AP1S3: variants seen among roughly 807,000 people sequenced by gnomAD.
AP1S3 encodes adaptor related protein complex 1 subunit sigma 3.
A neutral mutation model predicts 20.9 loss-of-function variants in AP1S3; 10 were observed. That is an observed-to-expected ratio of 0.48 (90% CI 0.29 to 0.81). The LOEUF is 0.81. Among genes scored for constraint, AP1S3 ranks in the 30% least tolerant of loss-of-function variants. AP1S3 has a pLI of 0.08. For synonymous variants in AP1S3, 41 were observed against 61.5 expected, an observed-to-expected ratio of 0.67 and a Z score of 1.56; for missense variants, 154 against 183.8, an observed-to-expected ratio of 0.84 and a Z score of 0.94.
chr2:223,780,308 TAGAGAGAGAGAGAGAGAG>T (rs527550327), intron 1 of AP1S3, among the ~76,000 whole-genome samples: 15 of 62,010 alleles, frequency 2.4e-4, no homozygotes, highest in South Asian at 6.9e-4. Context: ...TATATATATA[TAGAGAGAGAGAGAGAGAG>T]AGAGAGAGAG....
At chr2:223,807,287 G>T (rs1691603949) in intron 1 of AP1S3, among the ~76,000 whole-genome samples, 1 of 152,050 alleles carries the variant, frequency 6.6e-6, no homozygotes, top group Admixed American at 6.6e-5. Flanking sequence ...GAGACAGAGA[G>T]AAAAATACAA....
At chr2:223,834,536 G>A (rs1312420029) in intron 1 of AP1S3, among the ~76,000 whole-genome samples, 2 of 152,050 alleles carry the variant, frequency 1.3e-5, no homozygotes, top group Non-Finnish European at 2.9e-5. Context: ...GCTGCAGTAA[G>A]CCATGTTCAT....
At chr2:223,765,988 G>A (rs751382972) in intron 3 of AP1S3, among the ~76,000 whole-genome samples, 11 of 152,122 alleles carry the variant, frequency 7.2e-5, no homozygotes, top group South Asian at 2.1e-4. Context: ...TCCCTGGCGC[G>A]GATCAAAGCA....
chr2:223,777,605 G>C, intron 2 of AP1S3, 86 bp downstream of exon 2: 3 of 1,181,778 alleles, frequency 2.5e-6, no homozygotes, highest in Non-Finnish European at 3.5e-6. Flanking sequence ...GTAAATGATG[G>C]AATTGGTATA....
intron 1 of AP1S3, among the ~76,000 whole-genome samples, chr2:223,805,958 G>A (rs1280339237): frequency 6.6e-6 from 1 of 152,186 alleles, no homozygotes; most frequent in East Asian, 1.9e-4. Context: ...TGTCACAGGA[G>A]TTGGCACTCC....
chr2:223,783,448 G>A (rs596854), intron 1 of AP1S3, among the ~76,000 whole-genome samples: 84,813 of 152,082 alleles, frequency 0.56, 24,108 homozygotes, highest in East Asian at 0.71. Context: ...GCAATCCTTG[G>A]TCTAATTGGG....
Position 223,832,088 on chromosome 2 carries a change from A to C in AP1S3, c.3+5360T>G, listed in dbSNP as rs1486197218. On this transcript the variant is annotated intron_variant, in intron 1 of 4. Coordinates refer to ENST00000396654, the MANE Select transcript of AP1S3 (RefSeq NM_001039569.2). ...TAAGACTCCGTCTCAAAAAAAAAAA[A>C]ATCAAAAAAAGGACTTATTCTGGGG... is the stretch of plus-strand genomic sequence containing the variant. 3.0e-4 allele frequency among the ~76,000 whole-genome samples: 40 copies of C among 134,398 alleles called. 5 individuals carry two copies. The highest frequency in any genetic ancestry group is 1.3e-3 in the Admixed American group (17 of 13,234). 88.2% of individuals were successfully genotyped at this position (134,398 alleles called of 152,430 possible).
At chr2:223,770,833 T>C (rs1016920328) in intron 3 of AP1S3, among the ~76,000 whole-genome samples, 21 of 148,130 alleles carry the variant, frequency 1.4e-4, no homozygotes, top group Non-Finnish European at 7.4e-5. Flanking sequence ...GTTCAAACTA[T>C]TCTACCGCCT....
At chr2:223,809,745 T>C (rs576620628) in intron 1 of AP1S3, among the ~76,000 whole-genome samples, 1 of 151,470 alleles carries the variant, frequency 6.6e-6, no homozygotes, top group East Asian at 1.9e-4. Flanking sequence ...TTTTTTTTTT[T>C]TGAGATAGAG....
At chr2:223,793,095 G>T (rs903915000) in intron 1 of AP1S3, among the ~76,000 whole-genome samples, 7 of 152,204 alleles carry the variant, frequency 4.6e-5, no homozygotes, top group Admixed American at 3.3e-4. Flanking sequence ...AGGTTGTGAA[G>T]AAAAAGGAAC....
chr2:223,775,997 T>C lies in AP1S3; in HGVS notation c.195A>G (p.Leu65=), dbSNP rs1191915496. The change falls in exon 3 of 5, where the codon TTA becomes TTG. Residue 65 remains leucine (L), a synonymous_variant. Transcript: ENST00000396654. The stretch of plus-strand genomic sequence containing the variant: ...GATTTTCTATTGCACAGCAAAAATA[T>C]AAACTAGCATACCTTGAAATGAAAA... ...LKLVYKRYAS[L]YFCCAIENQD... 16 of 1,613,274 alleles carry C rather than the reference T, an allele frequency of 9.9e-6. No homozygotes were observed. The highest frequency in any genetic ancestry group is 1.3e-5 in the Non-Finnish European group (15 of 1,179,436).
At chr2:223,830,680 C>A (rs1692237213) in intron 1 of AP1S3, among the ~76,000 whole-genome samples, 1 of 152,146 alleles carries the variant, frequency 6.6e-6, no homozygotes, top group Non-Finnish European at 1.5e-5. Flanking sequence ...CACTGAGCTT[C>A]AACCCACACC....
At position 223,757,537 on chromosome 2, in the gene AP1S3, C is replaced by T; in HGVS notation, c.*1178G>A. 1 of 957,072 alleles carries T rather than the reference C, an allele frequency of 1.0e-6. No individual in the cohort carries two copies. The highest frequency in any genetic ancestry group is 1.2e-6 in the Non-Finnish European group (1 of 804,210). The allele number at this position is 957,072 out of a possible 1,614,324, so 59.3% of individuals were successfully genotyped here. On this transcript the variant is annotated 3_prime_UTR_variant, in exon 5 of 5. Coordinates refer to ENST00000396654, the MANE Select transcript of AP1S3 (RefSeq NM_001039569.2). ...TCCTGACCTCAAGTGATCCACCTGC[C>T]TCGGCCTCCCAAAGTGCTGGGATTA...
intron 1 of AP1S3, among the ~76,000 whole-genome samples, chr2:223,784,289 C>T (rs557607794): frequency 6.6e-6 from 1 of 152,070 alleles, no homozygotes; most frequent in Non-Finnish European, 1.5e-5. Flanking sequence ...CACCACCATG[C>T]CCCCATATTC....
chr2:223,788,526 G>C (rs192851874), intron 1 of AP1S3, among the ~76,000 whole-genome samples: 6 of 151,232 alleles, frequency 4.0e-5, no homozygotes, highest in Admixed American at 3.9e-4. Context: ...GGCTGAGGTG[G>C]GTGGATCACA....
intron 2 of AP1S3, among the ~76,000 whole-genome samples, chr2:223,777,106 C>G (rs769717411): frequency 6.6e-6 from 1 of 152,196 alleles, no homozygotes; most frequent in African/African-American, 2.4e-5. Flanking sequence ...TAGAACAATG[C>G]CAGGAATGGC....
intron 1 of AP1S3, among the ~76,000 whole-genome samples, chr2:223,782,167 C>G (rs2106095416): frequency 6.6e-6 from 1 of 152,138 alleles, no homozygotes; most frequent in African/African-American, 2.4e-5. Context: ...CGTCCATCAC[C>G]AAGCCCAGCT....
intron 1 of AP1S3, among the ~76,000 whole-genome samples, chr2:223,819,386 G>A (rs1433957479): frequency 6.6e-6 from 1 of 152,096 alleles, no homozygotes; most frequent in African/African-American, 2.4e-5. Context: ...ACTCATTGGA[G>A]AAAAAGCACA....
At chr2:223,810,330 T>G (rs1474946350) in intron 1 of AP1S3, among the ~76,000 whole-genome samples, 1 of 152,196 alleles carries the variant, frequency 6.6e-6, no homozygotes, top group Non-Finnish European at 1.5e-5. Flanking sequence ...TTTCTTTTTT[T>G]GAGACAGGGT....
Sources: gnomAD v4.1 joint callset for allele counts (sites outside exome capture counted in the v4.1 genomes callset) on GRCh38, gnomAD v4.1.1 for gene constraint, MANE v1.5 for transcripts, NCBI Gene and HGNC (gene_info 2026-07-23, HGNC 2026-07-21) for gene names.